Variants in HS3ST1 observed in about 807,000 individuals in gnomAD.
The protein encoded by HS3ST1 is heparan sulfate-glucosamine 3-sulfotransferase 1.
Under a neutral mutation model 20.7 loss-of-function variants are expected in HS3ST1, and 8 were observed. The ratio of observed to expected loss-of-function variants is 0.39; its 90% confidence interval spans 0.23 to 0.70. The LOEUF (loss-of-function observed/expected upper bound fraction) is 0.70. HS3ST1 is among the 30% of genes least tolerant of loss of function. HS3ST1 has a pLI of 0.46. For missense variants in HS3ST1, 436 were observed against 423.4 expected (o/e 1.03, Z -0.26); for synonymous variants, 205 against 190.4 (o/e 1.08, Z -0.63).
At chr4:11,416,535 A>G (rs915550008) in intron 1 of HS3ST1, among the ~76,000 whole-genome samples, 1 of 152,198 alleles carries the variant, frequency 6.6e-6, no homozygotes, top group African/African-American at 2.4e-5. Flanking sequence ...GCTGAGATCA[A>G]CACCTACATC....
At chr4:11,409,248 G>A (rs771501645) in intron 1 of HS3ST1, among the ~76,000 whole-genome samples, 14 of 152,126 alleles carry the variant, frequency 9.2e-5, no homozygotes, top group Non-Finnish European at 8.8e-5. Flanking sequence ...ACAAACCAAA[G>A]TAAATTGTTT....
At chr4:11,402,648 G>A (rs143338716) in intron 1 of HS3ST1, among the ~76,000 whole-genome samples, 26 of 152,304 alleles carry the variant, frequency 1.7e-4, no homozygotes, top group African/African-American at 6.0e-4. Context: ...ACCCTTTAGA[G>A]AGCTATACTG....
chr4:11,418,857 G>A (rs1196353517), intron 1 of HS3ST1, among the ~76,000 whole-genome samples: 1 of 152,176 alleles, frequency 6.6e-6, no homozygotes, highest in Non-Finnish European at 1.5e-5. Context: ...TGGGGAGAAA[G>A]CACATGGCTC....
At chr4:11,403,816 A>C (rs1354038489) in intron 1 of HS3ST1, among the ~76,000 whole-genome samples, 1 of 152,052 alleles carries the variant, frequency 6.6e-6, no homozygotes, top group Non-Finnish European at 1.5e-5. Context: ...TCTAGTTTGG[A>C]CCTTGGTCAA....
At chr4:11,416,519 G>A (rs1399204318) in intron 1 of HS3ST1, among the ~76,000 whole-genome samples, 1 of 152,036 alleles carries the variant, frequency 6.6e-6, no homozygotes, top group African/African-American at 2.4e-5. Flanking sequence ...GGGTATGCCA[G>A]GTTAGGCTGA....
In HS3ST1 at chr4:11,399,753, T is replaced by A; in HGVS notation, c.253A>T (p.Asn85Tyr). The change falls in exon 2 of 2, where the codon AAC (asparagine) becomes TAC (tyrosine). Residue 85 changes from asparagine (N) to tyrosine (Y), a missense_variant. Asn to Tyr is a moderately radical substitution (Grantham distance 143). Transcript: ENST00000002596. This position sits in a 1 kb window ranked among gnomAD's most constrained non-coding sequence, Gnocchi z 5.1. ...SLHPDVAAAE[N>Y]EVHFFDWEEH... Reference sequence around the variant, plus strand: ...TCCCAGTCGAAGAAGTGGACCTCGTTCTCCGCGGCCGCCACGTCGGGGTGC... The same window carrying A: ...TCCCAGTCGAAGAAGTGGACCTCGTACTCCGCGGCCGCCACGTCGGGGTGC... 6.2e-7 allele frequency: 1 copy of A among 1,613,728 alleles called. No individual in the cohort carries two copies.
chr4:11,402,337 G>C (rs543117309), intron 1 of HS3ST1, among the ~76,000 whole-genome samples: 1 of 152,234 alleles, frequency 6.6e-6, no homozygotes, highest in Non-Finnish European at 1.5e-5. Flanking sequence ...GCTTTAGAAA[G>C]GATAGCCAAG....
In HS3ST1 at chr4:11,408,740, G is replaced by A. The variant is rs73220378; in HGVS notation, c.-108-8627C>T. ...CTCCGTGACAGGAGGGCGGACAGAC[G>A]GGGCTTCTCTTATTACTCAGTGCAA... On this transcript the variant is annotated intron_variant, in intron 1 of 1. Coordinates refer to ENST00000002596, the MANE Select transcript of HS3ST1 (RefSeq NM_005114.4). 1.5e-3 allele frequency among the ~76,000 whole-genome samples: 225 copies of A among 152,324 alleles called. 1 individual carries two copies. Among genetic ancestry groups the A allele is most frequent in the Non-Finnish European group, 2.7e-3 (184 of 68,028 alleles).
At position 11,394,360 on chromosome 4, in the gene HS3ST1, A is replaced by G. The variant is rs1021235780; in HGVS notation, c.*4722T>C. On this transcript the variant is annotated 3_prime_UTR_variant, in exon 2 of 2. Transcript: ENST00000002596. ...AAAGGTCTTGACATCAGGGATAACT[A>G]AAGCACCAAGGTCATTTTCTACATC... 6.6e-6 allele frequency: 1 copy of G among 152,218 alleles called. No individual in the cohort carries two copies. Among genetic ancestry groups the G allele is most frequent in the African/African-American group, 2.4e-5 (1 of 41,452 alleles). The allele number at this position is 152,218 out of a possible 1,614,324, so 9.4% of individuals were successfully genotyped here. A position where few individuals can be genotyped will look rare whatever the true frequency, so the allele number is the denominator to read the frequency against.
intron 1 of HS3ST1, among the ~76,000 whole-genome samples, chr4:11,405,401 A>G (rs1237638233): frequency 6.6e-6 from 1 of 152,324 alleles, no homozygotes; most frequent in Non-Finnish European, 1.5e-5. Flanking sequence ...GAGATTCCAC[A>G]GAATCTTCCA....
At position 11,399,952 on chromosome 4, in the gene HS3ST1, C is replaced by T; in HGVS notation, c.54G>A (p.Val18=). The T allele has an allele frequency of 6.4e-6, 10 of 1,563,484 alleles. No homozygotes were observed. Among genetic ancestry groups the T allele is most frequent in the Non-Finnish European group, 8.6e-6 (10 of 1,158,898 alleles). ...GGCCTAGCTCGGCGGGGCGGGAAGG[C>T]ACTAGCTGGGGCTGGGCCACCAGCA... ...AVLLVAQPQL[V]PSRPAELGQQ... The change falls in exon 2 of 2, where the codon GTG becomes GTA. Residue 18 remains valine (V), a synonymous_variant. Transcript: ENST00000002596. This position sits in a 1 kb window ranked among gnomAD's most constrained non-coding sequence, Gnocchi z 5.1.
intron 1 of HS3ST1, among the ~76,000 whole-genome samples, chr4:11,400,814 A>C (rs1463530618): frequency 1.3e-5 from 2 of 152,204 alleles, no homozygotes; most frequent in African/African-American, 4.8e-5. Context: ...ATATGAGCAG[A>C]TGTGACAACG....
chr4:11,419,905 G>T (rs1718884797), intron 1 of HS3ST1, among the ~76,000 whole-genome samples: 2 of 152,220 alleles, frequency 1.3e-5, no homozygotes, highest in Non-Finnish European at 2.9e-5. Context: ...TAATGCACAT[G>T]AAATAAAATC....
chr4:11,399,814 C>G lies in HS3ST1; in HGVS notation c.192G>C (p.Lys64Asn). The G allele has an allele frequency of 6.2e-7, 1 of 1,613,044 alleles. No individual in the cohort carries two copies. Residue 64 changes from lysine (K) to asparagine (N), a missense_variant, in exon 2 of 2, where the codon AAG becomes AAC. Transcript: ENST00000002596. This position sits in a 1 kb window ranked among gnomAD's most constrained non-coding sequence, Gnocchi z 5.1. ...LPQTIIIGVR[K>N]GGTRALLEML... is the part of the protein sequence containing the mutation. ...TCTCCAGCAGTGCGCGCGTGCCGCC[C>G]TTGCGCACGCCGATGATGATGGTCT...
intron 1 of HS3ST1, among the ~76,000 whole-genome samples, chr4:11,425,924 T>G (rs1719048576): frequency 6.9e-6 from 1 of 145,186 alleles, no homozygotes; most frequent in African/African-American, 2.7e-5. Flanking sequence ...CCAGGTCAAG[T>G]AGCCAGGTTG....
At chr4:11,402,702 A>T (rs917592988) in intron 1 of HS3ST1, among the ~76,000 whole-genome samples, 8 of 152,132 alleles carry the variant, frequency 5.3e-5, no homozygotes, top group African/African-American at 1.7e-4. Context: ...CCATGTTCAG[A>T]CTCAGGGAAC....
chr4:11,420,909 A>G (rs1458529849), intron 1 of HS3ST1, among the ~76,000 whole-genome samples: 1 of 152,218 alleles, frequency 6.6e-6, no homozygotes, highest in Non-Finnish European at 1.5e-5. Flanking sequence ...CTTTCAGAAA[A>G]GAATCGTTCA....
In HS3ST1 at chr4:11,399,706, C is replaced by T. The variant is rs2108879514; in HGVS notation, c.300G>A (p.Leu100=). 6.2e-7 allele frequency: 1 copy of T among 1,613,878 alleles called. No homozygotes were observed. ...AGGGCATCTGGCTGAGGTACCAGCCCAAGCCGTGGCTGTAATGCTCCTCCC... is the reference window on the plus strand; with the variant it reads ...AGGGCATCTGGCTGAGGTACCAGCCTAAGCCGTGGCTGTAATGCTCCTCCC... ...FDWEEHYSHG[L]GWYLSQMPFS... Residue 100 remains leucine (L), a synonymous_variant, in exon 2 of 2, where the codon TTG becomes TTA. Coordinates refer to ENST00000002596, the MANE Select transcript of HS3ST1 (RefSeq NM_005114.4). The surrounding 1 kb of genome is among the most constrained non-coding windows in gnomAD (Gnocchi z 5.1).
upstream of HS3ST1, among the ~76,000 whole-genome samples, chr4:11,432,279 C>A (rs1719220445): frequency 6.6e-6 from 1 of 152,072 alleles, no homozygotes; most frequent in Non-Finnish European, 1.5e-5. Flanking sequence ...AGTGGGCAGC[C>A]CTGTATAGCC....
Sources: gnomAD v4.1 joint callset for allele counts (sites outside exome capture counted in the v4.1 genomes callset) on GRCh38, gnomAD v4.1.1 for gene constraint, Gnocchi (gnomAD v3.1) non-coding constraint, MANE v1.5 for transcripts, NCBI Gene and HGNC (gene_info 2026-07-23, HGNC 2026-07-21) for gene names.